The following ASXL3 variants were observed in gnomAD, a reference collection of about 807,000 sequenced individuals.
ASXL3 encodes putative Polycomb group protein ASXL3.
A neutral mutation model predicts 170.6 loss-of-function variants in ASXL3; 34 were observed. That is an observed-to-expected ratio of 0.20 (90% CI 0.15 to 0.27). The LOEUF (loss-of-function observed/expected upper bound fraction) is 0.27, where lower values mean the gene tolerates loss of function less well. Among genes scored for constraint, ASXL3 ranks in the 10% least tolerant of loss-of-function variants. The probability of loss-of-function intolerance (pLI) is 1.00; values close to 1 mark genes in which losing one functional copy is unlikely to be tolerated. For synonymous variants in ASXL3, 1,002 were observed against 989.1 expected (o/e 1.01, Z -0.24); for missense variants, 2,592 against 2,695.3 (o/e 0.96, Z 0.85).
At chr18:33,667,157 A>G (rs1482767139) in intron 5 of ASXL3, among the ~76,000 whole-genome samples, 2 of 152,186 alleles carry the variant, frequency 1.3e-5, no homozygotes, top group East Asian at 1.9e-4. Flanking sequence ...AAAATCTAGC[A>G]GTTGGCCTTC....
intron 8 of ASXL3, among the ~76,000 whole-genome samples, chr18:33,703,727 A>G (rs2145331869): frequency 6.6e-6 from 1 of 151,858 alleles, no homozygotes; most frequent in African/African-American, 2.4e-5. Flanking sequence ...CTTCCCTCAC[A>G]TGAATCTATT....
intron 8 of ASXL3, among the ~76,000 whole-genome samples, chr18:33,694,493 A>G (rs982931790): frequency 6.6e-6 from 1 of 152,068 alleles, no homozygotes; most frequent in Admixed American, 6.6e-5. Context: ...TATCATTTTT[A>G]CTTGATGTTC....
chr18:33,725,841 T>C (rs982213178), intron 8 of ASXL3, among the ~76,000 whole-genome samples: 1 of 152,170 alleles, frequency 6.6e-6, no homozygotes, highest in Non-Finnish European at 1.5e-5. Flanking sequence ...GTCTCATCTT[T>C]CTCAGCCCCA....
chr18:33,714,091 A>AAAG (rs1406218298), intron 8 of ASXL3, among the ~76,000 whole-genome samples: 1 of 152,164 alleles, frequency 6.6e-6, no homozygotes, highest in African/African-American at 2.4e-5. Context: ...TTTGCCCACA[A>AAAG]AAGGCCAGCA....
chr18:33,639,358 C>A (rs909129339), intron 2 of ASXL3, among the ~76,000 whole-genome samples: 1 of 152,112 alleles, frequency 6.6e-6, no homozygotes, highest in Non-Finnish European at 1.5e-5. Flanking sequence ...GGCTCCAGAG[C>A]CCACAGTCTT....
intron 11 of ASXL3, among the ~76,000 whole-genome samples, chr18:33,740,797 A>C (rs1347146998): frequency 1.3e-5 from 2 of 152,162 alleles, no homozygotes; most frequent in African/African-American, 4.8e-5. Context: ...TTTCTATAAA[A>C]GTTCTTTAGA....
At chr18:33,683,318 A>C in intron 7 of ASXL3, 87 bp from the exon 8 acceptor site, 1 of 1,147,812 alleles carries the variant, frequency 8.7e-7, no homozygotes, top group Non-Finnish European at 1.2e-6. Context: ...CATGTTCACT[A>C]GATATATGTG....
At chr18:33,716,325 A>G (rs924943674) in intron 8 of ASXL3, among the ~76,000 whole-genome samples, 5 of 152,294 alleles carry the variant, frequency 3.3e-5, no homozygotes, top group Admixed American at 2.0e-4. Flanking sequence ...TTGCATAGTA[A>G]AAGTCCCAGA....
Position 33,645,976 on chromosome 18 carries a change from G to GA in ASXL3, c.247-263dup, listed in dbSNP as rs140929167. On this transcript the variant is annotated intron_variant, in intron 3 of 11. Coordinates refer to ENST00000269197, the MANE Select transcript of ASXL3 (RefSeq NM_030632.3). Reference sequence around the variant, plus strand: ...TTTACATGAGGAAAACTGTAGAATTGAAAAAAGATGGAAACAACATATGTC... The same window carrying GA: ...TTTACATGAGGAAAACTGTAGAATTGAAAAAAAGATGGAAACAACATATGTC... Among the ~76,000 whole-genome samples the GA allele has an allele frequency of 3.0e-3, 455 of 150,066 alleles. 3 individuals are homozygous for GA. The highest frequency in any genetic ancestry group is 0.011 in the African/African-American group (440 of 40,948).
chr18:33,709,325 A>G (rs1402609338), intron 8 of ASXL3, among the ~76,000 whole-genome samples: 2 of 152,026 alleles, frequency 1.3e-5, no homozygotes, highest in Admixed American at 1.3e-4. Context: ...CAACAAAAAC[A>G]TGAGCAGAAA....
At chr18:33,651,407 T>G (rs1401669566) in intron 4 of ASXL3, among the ~76,000 whole-genome samples, 1 of 151,734 alleles carries the variant, frequency 6.6e-6, no homozygotes, top group Non-Finnish European at 1.5e-5. Flanking sequence ...TATGAGTGGA[T>G]GTGTGTGTGT....
intron 4 of ASXL3, among the ~76,000 whole-genome samples, chr18:33,647,846 C>CA (rs2065938214): frequency 6.6e-6 from 1 of 151,742 alleles, no homozygotes; most frequent in African/African-American, 2.4e-5. Flanking sequence ...TGATATGGGG[C>CA]AAAATACATA....
Position 33,747,000 on chromosome 18 carries a change from G to T in ASXL3, c.*405G>T, listed in dbSNP as rs2067806538. The T allele has an allele frequency of 6.3e-6, 1 of 159,222 alleles. No homozygotes were observed. The highest frequency in any genetic ancestry group is 1.4e-5 in the Non-Finnish European group (1 of 73,154). The allele number at this position is 159,222 out of a possible 1,614,324, so 9.9% of individuals were successfully genotyped here. Reference sequence around the variant, plus strand: ...AGTGGTTATGCATTTTTCTATAGATGAGCCATTACAGCAAGGAATTTTACA... The same window carrying T: ...AGTGGTTATGCATTTTTCTATAGATTAGCCATTACAGCAAGGAATTTTACA... On this transcript the variant is annotated 3_prime_UTR_variant, in exon 12 of 12. Transcript: ENST00000269197.
chr18:33,661,471 A>G, intron 4 of ASXL3, 145 bp from the exon 5 acceptor site: 1 of 699,846 alleles, frequency 1.4e-6, no homozygotes, highest in South Asian at 2.1e-5. Context: ...TTTTCTTCAT[A>G]TGTAGATACT....
chr18:33,607,296 A>G (rs1415751418), intron 1 of ASXL3, among the ~76,000 whole-genome samples: 1 of 152,028 alleles, frequency 6.6e-6, no homozygotes, highest in Non-Finnish European at 1.5e-5. Flanking sequence ...AACTTTTTAA[A>G]TAAAGGAAAT....
chr18:33,604,968 A>G (rs1401933452), intron 1 of ASXL3, among the ~76,000 whole-genome samples: 3 of 152,008 alleles, frequency 2.0e-5, no homozygotes, highest in Admixed American at 2.0e-4. Flanking sequence ...AAAAATAAGT[A>G]CTTGAAAGAA....
chr18:33,606,106 C>A (rs955707696), intron 1 of ASXL3, among the ~76,000 whole-genome samples: 2 of 151,878 alleles, frequency 1.3e-5, no homozygotes, highest in African/African-American at 2.4e-5. Flanking sequence ...CTCTTTCCTT[C>A]TTTACAGCTC....
At chr18:33,674,440 T>C (rs1002027785) in intron 7 of ASXL3, among the ~76,000 whole-genome samples, 2 of 152,188 alleles carry the variant, frequency 1.3e-5, no homozygotes, top group Non-Finnish European at 2.9e-5. Context: ...AAGTGTTTAC[T>C]GGGTAGGAAC....
chr18:33,676,272 G>A (rs1465207400), intron 7 of ASXL3, among the ~76,000 whole-genome samples: 1 of 145,534 alleles, frequency 6.9e-6, no homozygotes, highest in African/African-American at 2.5e-5. Flanking sequence ...TAATTCTGAT[G>A]GTAACCTCGA....
Sources: allele counts gnomAD v4.1 joint callset (sites outside exome capture counted in the v4.1 genomes callset), GRCh38; gene constraint gnomAD v4.1.1; transcripts MANE v1.5; gene names NCBI Gene and HGNC (gene_info 2026-07-23, HGNC 2026-07-21).